The following PCNT variants were observed in gnomAD, a reference collection of about 807,000 sequenced individuals.
PCNT encodes pericentrin.
PCNT carries 319 observed loss-of-function variants against 380.4 expected under a neutral mutation model. The ratio of observed to expected loss-of-function variants is 0.84; its 90% CI spans 0.77 to 0.92. The LOEUF (loss-of-function observed/expected upper bound fraction) is 0.92, where lower values mean the gene tolerates loss of function less well. Among genes scored for constraint, PCNT ranks in the 40% least tolerant of loss-of-function variants. PCNT has a pLI of 0.00. For missense variants in PCNT, 4,400 were observed against 4,255.3 expected (o/e 1.03, Z -0.95); for synonymous variants, 1,845 against 1,735.2 (o/e 1.06, Z -1.57).
rs1470680427 is a variant in PCNT at position 46,401,801 on chromosome 21, A to G, written c.4962+80A>G. ...CTTCTCTGTGGCAGATCCGATGTCC[A>G]GATAACACAGGCGATGGGCTTGTGA... On this transcript the variant is annotated intron_variant, in intron 26 of 46. Transcript: ENST00000359568. 5.3e-6 allele frequency: 7 copies of G among 1,330,250 alleles called. No homozygotes were observed. The Admixed American group carries it at 8.5e-5, about 16-fold the overall frequency. 82.4% of individuals were successfully genotyped at this position (1,330,250 alleles called of 1,614,324 possible).
intron 11 of PCNT, among the ~76,000 whole-genome samples, chr21:46,354,733 A>T (rs905131250): frequency 6.6e-6 from 1 of 152,074 alleles, no homozygotes; most frequent in Non-Finnish European, 1.5e-5. Context: ...AGGAGCCCTC[A>T]CTCTGGAGCA....
chr21:46,351,334 G>C, intron 8 of PCNT, 95 bp from the exon 9 acceptor site: 2 of 784,364 alleles, frequency 2.5e-6, no homozygotes, highest in Non-Finnish European at 4.7e-6. Context: ...TTTACCCTTA[G>C]GATCGCAGTG....
At chr21:46,353,066 C>A (rs1327912987) in intron 9 of PCNT, 38 bp from the exon 10 acceptor site, 2 of 1,553,510 alleles carry the variant, frequency 1.3e-6, no homozygotes, top group African/African-American at 1.4e-5. Flanking sequence ...TGTGGGTGTC[C>A]CATTTTAAGA....
At position 46,443,947 on chromosome 21, in the gene PCNT, A is replaced by G. The variant is rs2148130857; in HGVS notation, c.9838A>G (p.Arg3280Gly). ...AGCAGCCTCCCCACACAGTGGGGGA[A>G]GGTCAGTGTGATGCCTTCAGGCCCC... is the stretch of plus-strand genomic sequence containing the variant. ...AAAASPHSGG[R>G]ATPSPNSRLE... is the part of the protein sequence containing the mutation. Residue 3280 changes from arginine (R) to glycine (G), a missense_variant and splice_region_variant, in exon 45 of 47, where the codon AGA becomes GGA. By Grantham distance (125) the Arg-to-Gly change is moderately radical. Coordinates refer to ENST00000359568, the MANE Select transcript of PCNT (RefSeq NM_006031.6). 3.7e-6 allele frequency: 6 copies of G among 1,611,928 alleles called. No individual in the cohort carries two copies. The highest frequency in any genetic ancestry group is 5.1e-6 in the Non-Finnish European group (6 of 1,179,718).
At chr21:46,391,593 G>A (rs1458598115) in intron 21 of PCNT, among the ~76,000 whole-genome samples, 4 of 152,154 alleles carry the variant, frequency 2.6e-5, no homozygotes, top group African/African-American at 4.8e-5. Flanking sequence ...GTTGTCTGTC[G>A]GTCCTGCTGG....
At chr21:46,366,183 G>A (rs771652669) in intron 14 of PCNT, among the ~76,000 whole-genome samples, 2 of 152,222 alleles carry the variant, frequency 1.3e-5, no homozygotes, top group Admixed American at 6.5e-5. Flanking sequence ...CCCCTTCCCT[G>A]TTGAGGAGCA....
chr21:46,378,747 C>T (rs558428473), intron 15 of PCNT, among the ~76,000 whole-genome samples: 37 of 152,358 alleles, frequency 2.4e-4, no homozygotes, highest in African/African-American at 8.9e-4. Context: ...TTACAGCAAG[C>T]ACCTTCTAAC....
chr21:46,380,145 A>ATTTTTTTTTTTTTTT (rs552854585), intron 15 of PCNT, among the ~76,000 whole-genome samples: 2 of 59,714 alleles, frequency 3.3e-5, no homozygotes, highest in Non-Finnish European at 5.7e-5. Flanking sequence ...CCTGGGGTAG[A>ATTTTTTTTTTTTTTT]TTTTTTTTTT....
chr21:46,405,425 C>T (rs780900881), intron 27 of PCNT, among the ~76,000 whole-genome samples: 8 of 152,168 alleles, frequency 5.3e-5, no homozygotes, highest in African/African-American at 7.2e-5. Flanking sequence ...TGGCCAGGAG[C>T]GGTGGCTCAC....
intron 31 of PCNT, among the ~76,000 whole-genome samples, chr21:46,419,031 AGTT>A (rs1306720628): frequency 1.3e-5 from 2 of 152,284 alleles, no homozygotes; most frequent in Non-Finnish European, 2.9e-5. Flanking sequence ...GGCCCGCATC[AGTT>A]GTTGTGGCGG....
At chr21:46,436,842 C>T (rs555544425) in intron 39 of PCNT, 137 bp from the exon 40 acceptor site, 33 of 724,570 alleles carry the variant, frequency 4.6e-5, no homozygotes, top group Admixed American at 1.6e-4. Flanking sequence ...CTCTGCCTCA[C>T]GGCTGGACGA....
chr21:46,365,150 GGGGGTTCTATTCATTCACTGCCAT>G (rs1466434136), intron 14 of PCNT, among the ~76,000 whole-genome samples: 1 of 151,704 alleles, frequency 6.6e-6, no homozygotes, highest in African/African-American at 2.4e-5. Flanking sequence ...TCACTGCCAT[GGGGGTTCTATTCATTCACTGCCAT>G]GGGGTTCTCC....
Position 46,381,576 on chromosome 21 carries a change from C to T in PCNT, c.3166-118C>T, listed in dbSNP as rs746331175. 2.7e-4 allele frequency: 252 copies of T among 927,194 alleles called. 1 individual carries two copies. Among genetic ancestry groups the T allele is most frequent in the Non-Finnish European group, 3.9e-4 (221 of 568,688 alleles). The allele number at this position is 927,194 out of a possible 1,614,324, so 57.4% of individuals were successfully genotyped here. ...GGGGCTGTGGTCTGGCTCATCCCGG[C>T]TCTTGGTGCAGAGTGGGGGCTCCAT... On this transcript the variant is annotated intron_variant, in intron 15 of 46. Transcript: ENST00000359568.
chr21:46,422,202 G>A, intron 32 of PCNT, 78 bp downstream of exon 32: 1 of 1,559,192 alleles, frequency 6.4e-7, no homozygotes, highest in Non-Finnish European at 8.7e-7. Context: ...GTCCTGCCTT[G>A]CCGGGGAGAG....
intron 3 of PCNT, among the ~76,000 whole-genome samples, chr21:46,344,282 GCCAGGA>G (rs2083997069): frequency 6.6e-6 from 1 of 151,900 alleles, no homozygotes; most frequent in Admixed American, 6.6e-5. Flanking sequence ...CACCATGTTG[GCCAGGA>G]TGTTCTCAAT....
intron 31 of PCNT, 62 bp from the exon 32 acceptor site, chr21:46,421,908 G>A: frequency 5.0e-6 from 8 of 1,589,732 alleles, no homozygotes; most frequent in South Asian, 1.1e-5. Flanking sequence ...CCTCTGCAGT[G>A]CGTCCCCTGG....
In PCNT at chr21:46,359,491, G is replaced by GTTTT. The variant is rs1219693835; in HGVS notation, c.2154+2313_2154+2316dup. Among the ~76,000 whole-genome samples, 6 of 66,048 alleles carry GTTTT rather than the reference G, an allele frequency of 9.1e-5. 1 individual carries two copies. The highest frequency in any genetic ancestry group is 1.9e-4 in the Non-Finnish European group (6 of 31,486). 43.3% of individuals were successfully genotyped at this position (66,048 alleles called of 152,430 possible). ...CCAAAAATACACCTGTTTTTTTTTT[G>GTTTT]TTTTTTTTTTTTTTTTGAGACAGTG... On this transcript the variant is annotated intron_variant, in intron 13 of 46. Transcript: ENST00000359568.
rs977814739 is a variant in PCNT at position 46,397,501 on chromosome 21, A to C, written c.4446+7A>C. On this transcript the variant is annotated splice_region_variant and intron_variant, in intron 22 of 46. Coordinates refer to ENST00000359568, the MANE Select transcript of PCNT (RefSeq NM_006031.6). ...CCAGCGGCAATTCATGGATGTAAGAATTCTGAATAATACATTTTTTTGCAT... is the reference window on the plus strand; with the variant it reads ...CCAGCGGCAATTCATGGATGTAAGACTTCTGAATAATACATTTTTTTGCAT... 6.2e-7 allele frequency: 1 copy of C among 1,605,414 alleles called. No homozygotes were observed. The highest frequency in any genetic ancestry group is 1.1e-5 in the South Asian group (1 of 90,912).
At position 46,436,470 on chromosome 21, in the gene PCNT, GCCCCCCC is replaced by G. The variant is rs1158167144; in HGVS notation, c.8996+334_8996+340del. 4.8e-3 allele frequency among the ~76,000 whole-genome samples: 23 copies of G among 4,762 alleles called. 2 individuals carry two copies. The highest frequency in any genetic ancestry group is 0.031 in the South Asian group (1 of 32). 3.1% of individuals were successfully genotyped at this position (4,762 alleles called of 152,430 possible). A position where few individuals can be genotyped will look rare whatever the true frequency, so the allele number is the denominator to read the frequency against. ...AGGGTCGGGTTTGGAGCCTCCTGTG[GCCCCCCC>G]CCCCCCCCCCCGCTGGCACTGCCCA... On this transcript the variant is annotated intron_variant, in intron 39 of 46. Coordinates refer to ENST00000359568, the MANE Select transcript of PCNT (RefSeq NM_006031.6).
Sources: gnomAD v4.1 joint callset for allele counts (sites outside exome capture counted in the v4.1 genomes callset) on GRCh38, gnomAD v4.1.1 for gene constraint, MANE v1.5 for transcripts, NCBI Gene and HGNC (gene_info 2026-07-23, HGNC 2026-07-21) for gene names.